The following STK33 variants were observed in gnomAD, a reference collection of about 807,000 sequenced individuals.
STK33 encodes serine/threonine kinase 33.
STK33 carries 52 observed loss-of-function variants against 58.0 expected under a neutral mutation model. The observed-to-expected ratio is 0.90, with a 90% CI of 0.72 to 1.13. The LOEUF is 1.13. Among genes scored for constraint, STK33 ranks in the 50% most tolerant of loss-of-function variants. The probability of loss-of-function intolerance (pLI) is 0.00; values close to 1 mark genes in which losing one functional copy is unlikely to be tolerated. For missense variants in STK33, 630 were observed against 604.2 expected (o/e 1.04, Z -0.45); for synonymous variants, 215 against 200.1 (o/e 1.07, Z -0.63).
At chr11:8,354,516 A>ACACACACC in the STK33 span, among the ~76,000 whole-genome samples, 26 of 127,760 alleles carry the variant, frequency 2.0e-4, no homozygotes, top group Admixed American at 1.3e-3. Context: ...ACACACACAC[A>ACACACACC]CCCCTCAGAC....
chr11:8,483,937 T>A (rs1950024685), intron 1 of STK33, among the ~76,000 whole-genome samples: 1 of 152,176 alleles, frequency 6.6e-6, no homozygotes, highest in Non-Finnish European at 1.5e-5. Context: ...CTATTGCCAA[T>A]AAAGCTATAT....
intron 14 of STK33, among the ~76,000 whole-genome samples, chr11:8,434,532 A>T (rs1029581115): frequency 2.0e-5 from 3 of 152,214 alleles, no homozygotes; most frequent in Admixed American, 6.5e-5. Context: ...CCAGCTGCAC[A>T]CTATATCGTA....
intron 8 of STK33, 38 bp from the exon 9 acceptor site, chr11:8,457,517 A>G (rs758245537): frequency 1.3e-6 from 2 of 1,504,822 alleles, no homozygotes; most frequent in South Asian, 1.3e-5. Context: ...AGAGCAAATT[A>G]TATATCTGGG....
At chr11:8,408,827 A>T (rs1332266883) in intron 15 of STK33, among the ~76,000 whole-genome samples, 2 of 152,248 alleles carry the variant, frequency 1.3e-5, no homozygotes, top group African/African-American at 4.8e-5. Context: ...GCAAGCTTCC[A>T]AGTGTCCTCT....
intron 11 of STK33, among the ~76,000 whole-genome samples, chr11:8,442,612 C>T (rs1361076866): frequency 6.6e-6 from 1 of 152,202 alleles, no homozygotes; most frequent in Non-Finnish European, 1.5e-5. Context: ...AGGCATTAAA[C>T]TCAGGGTGCT....
chr11:8,449,462 G>A (rs1945981817), intron 11 of STK33, among the ~76,000 whole-genome samples: 1 of 151,596 alleles, frequency 6.6e-6, no homozygotes, highest in Non-Finnish European at 1.5e-5. Context: ...CATAAAAAAT[G>A]ATGAGTTCAG....
intron 2 of STK33, among the ~76,000 whole-genome samples, chr11:8,479,710 G>C (rs1949633048): frequency 1.3e-5 from 2 of 152,080 alleles, no homozygotes; most frequent in Admixed American, 1.3e-4. Flanking sequence ...AGTCGTGGTG[G>C]TGTGCTCCTG....
chr11:8,589,142 C>T (rs768646246), intron 1 of STK33, among the ~76,000 whole-genome samples: 20 of 152,000 alleles, frequency 1.3e-4, no homozygotes, highest in Non-Finnish European at 1.9e-4. Flanking sequence ...AGTTACCATA[C>T]GATCAGCAAT....
At chr11:8,585,578 T>C (rs2031424328) in intron 1 of STK33, among the ~76,000 whole-genome samples, 2 of 151,890 alleles carry the variant, frequency 1.3e-5, no homozygotes. Flanking sequence ...AAGACAGATG[T>C]TAATTAACTA....
At chr11:8,406,655 C>A (rs184410960) in intron 15 of STK33, among the ~76,000 whole-genome samples, 150 of 152,082 alleles carry the variant, frequency 9.9e-4, no homozygotes, top group African/African-American at 3.6e-3. Flanking sequence ...TTTTATTTCC[C>A]AATTGTTCAC....
chr11:8,378,336 T>C, the STK33 span, among the ~76,000 whole-genome samples: 50 of 152,236 alleles, frequency 3.3e-4, no homozygotes, highest in African/African-American at 9.9e-4. Context: ...CTGACCAACA[T>C]GGAGAAACCC....
chr11:8,391,225 T>C (rs1197694262), downstream of STK33, among the ~76,000 whole-genome samples: 1 of 152,188 alleles, frequency 6.6e-6, no homozygotes, highest in Non-Finnish European at 1.5e-5. Context: ...ATGATACGAC[T>C]GGAACTAGAC....
At chr11:8,457,235 T>C (rs1337901641) in intron 9 of STK33, 106 bp downstream of exon 9, 1 of 983,106 alleles carries the variant, frequency 1.0e-6, no homozygotes, top group Non-Finnish European at 1.4e-6. Flanking sequence ...ATCTTCTATA[T>C]TAGCAGGTGT....
At chr11:8,498,908 T>C (rs1951280140) in intron 1 of STK33, among the ~76,000 whole-genome samples, 1 of 152,178 alleles carries the variant, frequency 6.6e-6, no homozygotes, top group Admixed American at 6.5e-5. Context: ...GACCCCTTCC[T>C]TATACCTTAT....
intron 1 of STK33, among the ~76,000 whole-genome samples, chr11:8,495,279 G>A (rs1025286956): frequency 1.8e-4 from 27 of 152,066 alleles, no homozygotes; most frequent in African/African-American, 5.8e-4. Flanking sequence ...ATCAAAAAGT[G>A]GGCAAAGGAT....
At chr11:8,482,384 C>T (rs1949876289) in intron 1 of STK33, among the ~76,000 whole-genome samples, 1 of 152,174 alleles carries the variant, frequency 6.6e-6, no homozygotes, top group African/African-American at 2.4e-5. Context: ...TCCAAGAGAA[C>T]AGGCCAAATG....
intron 14 of STK33, among the ~76,000 whole-genome samples, chr11:8,424,023 A>G (rs572851948): frequency 1.6e-3 from 241 of 152,044 alleles, no homozygotes; most frequent in Non-Finnish European, 1.5e-3. Flanking sequence ...GTTTTAGGGT[A>G]CATGTGCACA....
intron 15 of STK33, among the ~76,000 whole-genome samples, chr11:8,401,155 T>C (rs1465971431): frequency 1.3e-5 from 2 of 152,202 alleles, no homozygotes; most frequent in Admixed American, 6.5e-5. Context: ...GAGCCCACAT[T>C]GCCAAGTCAA....
the STK33 span, among the ~76,000 whole-genome samples, chr11:8,365,850 C>A: frequency 6.6e-6 from 1 of 152,150 alleles, no homozygotes; most frequent in Admixed American, 6.5e-5. Context: ...CACCTTCCAC[C>A]CCACAGAGTC....
Sources: allele counts gnomAD v4.1 joint callset (sites outside exome capture counted in the v4.1 genomes callset), GRCh38; gene constraint gnomAD v4.1.1; transcripts MANE v1.5; gene names NCBI Gene and HGNC (gene_info 2026-07-23, HGNC 2026-07-21).